PHF12: variants seen among roughly 807,000 people sequenced by gnomAD.
PHF12 encodes PHD factor 1.
In PHF12, 6 loss-of-function variants were observed where a neutral mutation model predicts 99.8. The observed-to-expected ratio is 0.06, with a 90% CI of 0.03 to 0.12. The LOEUF is 0.12. Ranked by LOEUF, PHF12 falls within the 10% of genes least tolerant of loss-of-function variation. PHF12 has a pLI of 1.00. For synonymous variants in PHF12, 480 were observed against 514.9 expected, an observed-to-expected ratio of 0.93 and a Z score of 0.92; for missense variants, 954 against 1,300.1, an observed-to-expected ratio of 0.73 and a Z score of 4.09.
At chr17:28,918,446 C>G (rs188923633) in intron 6 of PHF12, among the ~76,000 whole-genome samples, 2 of 152,200 alleles carry the variant, frequency 1.3e-5, no homozygotes, top group African/African-American at 2.4e-5. Flanking sequence ...AGTCTTTAAC[C>G]GAGGTTCCTC....
chr17:28,951,052 G>T lies in PHF12; in HGVS notation c.-92C>A. ...GAGGGGAGGGGGCGCTCCTGACCCC[G>T]GCCCCGCTTTTTTCCCAATACGGGT... On this transcript the variant is annotated 5_prime_UTR_variant, in exon 1 of 15. Transcript: ENST00000332830. 2 of 1,588,658 alleles carry T rather than the reference G, an allele frequency of 1.3e-6. No individual in the cohort carries two copies. Among genetic ancestry groups the T allele is most frequent in the Non-Finnish European group, 8.6e-7 (1 of 1,167,818 alleles).
At chr17:28,928,023 A>ATTGC (rs1042660047) in intron 2 of PHF12, among the ~76,000 whole-genome samples, 2 of 152,220 alleles carry the variant, frequency 1.3e-5, no homozygotes, top group African/African-American at 4.8e-5. Context: ...AGGCAGAAGA[A>ATTGC]TTGCTTGAAT....
At chr17:28,944,208 TGTAAAGTACTTAGTGA>T (rs1452700793) in intron 2 of PHF12, among the ~76,000 whole-genome samples, 1 of 152,226 alleles carries the variant, frequency 6.6e-6, no homozygotes, top group Non-Finnish European at 1.5e-5. Flanking sequence ...TGGAGCTATA[TGTAAAGTACTTAGTGA>T]GCCTTAAGGA....
At chr17:28,929,564 C>T (rs2040357683) in intron 2 of PHF12, among the ~76,000 whole-genome samples, 1 of 152,112 alleles carries the variant, frequency 6.6e-6, no homozygotes, top group African/African-American at 2.4e-5. Flanking sequence ...TATCTCAGAG[C>T]TTAAAGCTAT....
chr17:28,906,117 T>C lies in PHF12; in HGVS notation c.*66A>G. 1 of 1,480,664 alleles carries C rather than the reference T, an allele frequency of 6.8e-7. No homozygotes were observed. Among genetic ancestry groups the C allele is most frequent in the Non-Finnish European group, 9.1e-7 (1 of 1,101,674 alleles). 91.7% of individuals were successfully genotyped at this position (1,480,664 alleles called of 1,614,324 possible). On this transcript the variant is annotated 3_prime_UTR_variant, in exon 15 of 15. Transcript: ENST00000332830. The surrounding 1 kb of genome is among the most constrained non-coding windows in gnomAD (Gnocchi z 4.2). Reference sequence around the variant, plus strand: ...ATAGAAAACACCCGGGCTTGGTTTGTGTACATTTTTGCATTGCAGGAGTCT... The same window carrying C: ...ATAGAAAACACCCGGGCTTGGTTTGCGTACATTTTTGCATTGCAGGAGTCT...
In PHF12 at chr17:28,912,913, T is replaced by C. The variant is rs374601199; in HGVS notation, c.1658A>G (p.Tyr553Cys). 35 of 1,614,210 alleles carry C rather than the reference T, an allele frequency of 2.2e-5. No individual in the cohort carries two copies. The highest frequency in any genetic ancestry group is 2.9e-5 in the Non-Finnish European group (34 of 1,180,016). The change falls in exon 9 of 15, where the codon TAC becomes TGC. Residue 553 changes from tyrosine to cysteine, a missense_variant. Physicochemically the swap from Tyr to Cys is radical, Grantham distance 194. Around this residue, in one of 8 missense-constraint regions of PHF12, gnomAD observed 392 missense variants for 423.1 expected, o/e 0.93. Transcript: ENST00000332830. ...GTCCGTGGAATCAGTAGGGCTGCTGTAGAGGTGTGGGCCATTAGCTTTCAC... is the reference window on the plus strand; with the variant it reads ...GTCCGTGGAATCAGTAGGGCTGCTGCAGAGGTGTGGGCCATTAGCTTTCAC... ...TEVKANGPHL[Y>C]SSPTDSTDPR...
chr17:28,915,566 G>A (rs1272151234), intron 7 of PHF12, among the ~76,000 whole-genome samples: 2 of 152,122 alleles, frequency 1.3e-5, no homozygotes, highest in African/African-American at 2.4e-5. Context: ...GGCTTTCTGA[G>A]ATCACCCAGG....
At chr17:28,943,574 G>A (rs2040662394) in intron 2 of PHF12, among the ~76,000 whole-genome samples, 1 of 152,150 alleles carries the variant, frequency 6.6e-6, no homozygotes, top group Non-Finnish European at 1.5e-5. Context: ...ACGCTGCAGT[G>A]AGCTGAGATC....
At chr17:28,944,598 G>T (rs1236962066) in intron 2 of PHF12, 1 of 792,026 alleles carries the variant, frequency 1.3e-6, no homozygotes, top group Non-Finnish European at 1.5e-6. Flanking sequence ...AGTGAACTGA[G>T]ATCACACCAA....
At chr17:28,918,971 G>C (rs952061289) in intron 6 of PHF12, among the ~76,000 whole-genome samples, 172 bp downstream of exon 6, 15 of 152,178 alleles carry the variant, frequency 9.9e-5, no homozygotes, top group Non-Finnish European at 2.1e-4. Flanking sequence ...GTGAGAAAAA[G>C]CATAGCTGAA....
intron 2 of PHF12, chr17:28,928,130 T>C (rs1431467160): frequency 6.6e-6 from 1 of 152,130 alleles, no homozygotes; most frequent in Non-Finnish European, 1.5e-5. Context: ...AAAAACCAGC[T>C]TCAGCTGAAC....
In PHF12 at chr17:28,913,076, C is replaced by G. The variant is rs1163519347; in HGVS notation, c.1495G>C (p.Gly499Arg). 1 of 1,614,146 alleles carries G rather than the reference C, an allele frequency of 6.2e-7. No individual in the cohort carries two copies. Among genetic ancestry groups the G allele is most frequent in the African/African-American group, 1.3e-5 (1 of 75,024 alleles). ...PSHYPLSCPSGISTQNSLSCS... is the reference protein window; with the variant it reads ...PSHYPLSCPSRISTQNSLSCS... ...CTCAGGGAATTCTGGGTGCTAATCC[C>G]TGAGGGGCAGGACAAGGGGTAGTGG... Residue 499 changes from glycine (G) to arginine (R), a missense_variant, in exon 9 of 15, where the codon GGG (glycine) becomes CGG (arginine). Physicochemically the swap from Gly to Arg is moderately radical, Grantham distance 125. Coordinates refer to ENST00000332830, the MANE Select transcript of PHF12 (RefSeq NM_001033561.2).
intron 2 of PHF12, among the ~76,000 whole-genome samples, chr17:28,935,604 A>G (rs1292087897): frequency 6.6e-6 from 1 of 152,172 alleles, no homozygotes; most frequent in Non-Finnish European, 1.5e-5. Flanking sequence ...ACCTGATCTT[A>G]AAGACATGCT....
At chr17:28,939,231 C>T (rs115652751) in intron 2 of PHF12, among the ~76,000 whole-genome samples, 99 of 152,268 alleles carry the variant, frequency 6.5e-4, no homozygotes, top group African/African-American at 2.2e-3. Flanking sequence ...AGGAGGGATA[C>T]AGCAAAACAA....
At chr17:28,924,350 A>G in intron 3 of PHF12, 48 bp from the exon 4 acceptor site, 1 of 1,612,932 alleles carries the variant, frequency 6.2e-7, no homozygotes, top group South Asian at 1.1e-5. Context: ...CCATGAAACA[A>G]AGAGATGGGT....
At chr17:28,913,346 C>T (rs2040003732) in intron 8 of PHF12, 69 bp from the exon 9 acceptor site, 2 of 1,537,334 alleles carry the variant, frequency 1.3e-6, no homozygotes, top group East Asian at 2.3e-5. Flanking sequence ...CCACAGTGGC[C>T]AGGGCTGCAG....
At chr17:28,941,858 C>T (rs188950814) in intron 2 of PHF12, among the ~76,000 whole-genome samples, 5 of 152,254 alleles carry the variant, frequency 3.3e-5, no homozygotes, top group African/African-American at 7.2e-5. Flanking sequence ...CCACCTGCCT[C>T]GGCTCCCCAA....
intron 2 of PHF12, among the ~76,000 whole-genome samples, chr17:28,947,457 A>G (rs547937548): frequency 1.3e-5 from 2 of 152,240 alleles, no homozygotes; most frequent in South Asian, 4.2e-4. Context: ...GGGCACCTAT[A>G]ATCCCAGCTA....
In PHF12 at chr17:28,950,999, CCCCCAA is replaced by C; in HGVS notation, c.-45_-40del. 6.2e-7 allele frequency: 1 copy of C among 1,611,956 alleles called. No homozygotes were observed. The highest frequency in any genetic ancestry group is 8.5e-7 in the Non-Finnish European group (1 of 1,178,900). On this transcript the variant is annotated 5_prime_UTR_variant, in exon 1 of 15. Transcript: ENST00000332830. The surrounding 1 kb of genome is among the most constrained non-coding windows in gnomAD (Gnocchi z 5.7). ...GGGCTGGGTGCTCTCTGCTCCGGCC[CCCCCAA>C]CCCCGGGGGGAGGGGGGAGGTGAGG... is the stretch of plus-strand genomic sequence containing the variant.
Sources: gnomAD v4.1 joint callset for allele counts (sites outside exome capture counted in the v4.1 genomes callset) on GRCh38, gnomAD v4.1.1 for gene constraint, gnomAD v4.1.1 regional missense constraint, Gnocchi (gnomAD v3.1) non-coding constraint, MANE v1.5 for transcripts, NCBI Gene and HGNC (gene_info 2026-07-23, HGNC 2026-07-21) for gene names.